TJP1: variants seen among roughly 807,000 people sequenced by gnomAD.
The protein encoded by TJP1 is tight junction protein ZO-1.
TJP1 carries 43 observed loss-of-function variants against 194.2 expected under a neutral mutation model. That is an observed-to-expected ratio of 0.22 (90% CI 0.17 to 0.29). TJP1 has a LOEUF of 0.29. TJP1 is among the 10% of genes least tolerant of loss of function. The pLI is 1.00. For synonymous variants in TJP1, 801 were observed against 779.0 expected (o/e 1.03, Z -0.47); for missense variants, 1,971 against 2,185.7 (o/e 0.90, Z 1.96).
At chr15:29,946,600 G>A (rs907587083) in intron 2 of TJP1, among the ~76,000 whole-genome samples, 10 of 152,208 alleles carry the variant, frequency 6.6e-5, no homozygotes, top group African/African-American at 2.4e-4. Flanking sequence ...GATGGACCCA[G>A]GCTGAAAATT....
rs546293106 is a variant in TJP1 at position 29,966,885 on chromosome 15, T to C, written c.173+1782A>G. On this transcript the variant is annotated intron_variant, in intron 1 of 28. Coordinates refer to the TJP1 transcript ENST00000356107. ...CAATCTGAGAAGCGATCTTCAAATG[T>C]TACCCCTTCTTCCTTCACTGTAGTG... 3.3e-5 allele frequency among the ~76,000 whole-genome samples: 5 copies of C among 152,312 alleles called. No individual in the cohort carries two copies. In the East Asian group the frequency reaches 7.7e-4, roughly 23 times the overall value.
chr15:29,807,458 T>C (rs2049184110), intron 1 of TJP1, among the ~76,000 whole-genome samples: 1 of 152,232 alleles, frequency 6.6e-6, no homozygotes. Context: ...AGGTTGAAGA[T>C]AGATACAAAG....
intron 2 of TJP1, among the ~76,000 whole-genome samples, chr15:29,948,004 C>T (rs970045248): frequency 1.3e-5 from 2 of 152,214 alleles, no homozygotes; most frequent in South Asian, 2.1e-4. Context: ...CGGTGGCTCA[C>T]ACCTGTAATC....
chr15:29,713,628 G>C (rs1241782163), intron 23 of TJP1, among the ~76,000 whole-genome samples: 1 of 152,218 alleles, frequency 6.6e-6, no homozygotes, highest in Admixed American at 6.5e-5. Context: ...ATGCAGGACA[G>C]AATCCTATAT....
Position 29,822,115 on chromosome 15 carries a change from T to A in TJP1, c.-87A>T. 8.2e-7 allele frequency: 1 copy of A among 1,212,902 alleles called. No individual in the cohort carries two copies. The highest frequency in any genetic ancestry group is 1.0e-6 in the Non-Finnish European group (1 of 973,702). 75.1% of individuals were successfully genotyped at this position (1,212,902 alleles called of 1,614,324 possible). The stretch of plus-strand genomic sequence containing the variant: ...CCCGCTCCTCACGCCACAGCCCAAA[T>A]AAACATCTCCCGAGAGCGAGCGGGG... On this transcript the variant is annotated 5_prime_UTR_variant, in exon 1 of 28. Transcript: ENST00000614355.
chr15:29,708,687 AAG>A lies in TJP1; in HGVS notation c.4720_4721del (p.Leu1574CysfsTer11). On this transcript the variant is annotated frameshift_variant, in exon 25 of 28. Coordinates refer to ENST00000614355, the MANE Select transcript of TJP1 (RefSeq NM_001330239.4). LOFTEE classifies it high-confidence loss of function. ...SSKTPTSPKT[L>X]VKSHSLAQPP... ...GCTGTGCCAAACTGTGCGATTTCAC[AAG>A]AGTTTTTGGAGAAGTGGGAGTTTTT... 1 of 1,614,246 alleles carries A rather than the reference AAG, an allele frequency of 6.2e-7. No individual in the cohort carries two copies. The highest frequency in any genetic ancestry group is 8.5e-7 in the Non-Finnish European group (1 of 1,180,048).
chr15:29,929,801 C>T (rs1235986670), intron 2 of TJP1, among the ~76,000 whole-genome samples: 1 of 146,112 alleles, frequency 6.8e-6, no homozygotes, highest in Non-Finnish European at 1.5e-5. Flanking sequence ...AAACTTGAAA[C>T]AAAAAAAAAA....
At position 29,718,974 on chromosome 15, in the gene TJP1, C is replaced by T; in HGVS notation, c.3168G>A (p.Gln1056=). ...VEKQASRDLE[Q]PTYRYESSSY... ...TTGAGGACTCGTATCTGTATGTGGG[C>T]TGCTCGAGGTCTCTGCTGGCTTGTT... The change falls in exon 21 of 28, where the codon CAG becomes CAA. Residue 1056 remains glutamine (Q), a synonymous_variant. Transcript: ENST00000614355. The T allele has an allele frequency of 1.2e-6, 2 of 1,614,156 alleles. No homozygotes were observed. The highest frequency in any genetic ancestry group is 1.7e-6 in the Non-Finnish European group (2 of 1,180,036).
chr15:29,748,555 T>C, intron 8 of TJP1, among the ~76,000 whole-genome samples: 1 of 143,706 alleles, frequency 7.0e-6, no homozygotes, highest in African/African-American at 2.5e-5. Flanking sequence ...TTCCCAAACC[T>C]TCCTAATTCT....
At chr15:29,877,212 AG>A (rs1383332005) in intron 2 of TJP1, among the ~76,000 whole-genome samples, 5 of 152,264 alleles carry the variant, frequency 3.3e-5, no homozygotes, top group Non-Finnish European at 7.3e-5. Flanking sequence ...AGATATAAAT[AG>A]AAGTATTTCT....
chr15:29,778,107 A>C, intron 2 of TJP1, among the ~76,000 whole-genome samples: 1 of 152,196 alleles, frequency 6.6e-6, no homozygotes, highest in Non-Finnish European at 1.5e-5. Context: ...CATTTAAAAA[A>C]ATTACTTGTG....
In TJP1 at chr15:29,761,031, T is replaced by C; in HGVS notation, c.1010+108A>G. 3 of 1,305,464 alleles carry C rather than the reference T, an allele frequency of 2.3e-6. No homozygotes were observed. The South Asian group carries it at 5.2e-5, about 22-fold the overall frequency. 80.9% of individuals were successfully genotyped at this position (1,305,464 alleles called of 1,614,324 possible). ...AAGTTGAGAAAAACAGATCTAATCT[T>C]GAATAATCAAAAGAAATACATCTTT... On this transcript the variant is annotated intron_variant, in intron 8 of 27. Transcript: ENST00000614355.
intron 4 of TJP1, among the ~76,000 whole-genome samples, 181 bp from the exon 5 acceptor site, chr15:29,766,723 T>C (rs771227931): frequency 6.6e-6 from 1 of 152,184 alleles, no homozygotes; most frequent in African/African-American, 2.4e-5. Flanking sequence ...GTGTTTTCTG[T>C]TCTCCTGATA....
At chr15:29,787,896 T>C (rs1339802369) in intron 2 of TJP1, among the ~76,000 whole-genome samples, 1 of 152,200 alleles carries the variant, frequency 6.6e-6, no homozygotes, top group Non-Finnish European at 1.5e-5. Context: ...ATTCTCAAAC[T>C]GTTTTCTACA....
chr15:29,906,468 A>AAATAAAT (rs2053816544), intron 2 of TJP1, among the ~76,000 whole-genome samples: 1 of 138,910 alleles, frequency 7.2e-6, no homozygotes, highest in Non-Finnish European at 1.5e-5. Flanking sequence ...ACTCCGTCTC[A>AAATAAAT]AAATAAATAA....
At chr15:29,869,791 CTTTCTTTTTTTTTT>C (rs1331438574) in intron 2 of TJP1, among the ~76,000 whole-genome samples, 4 of 102,910 alleles carry the variant, frequency 3.9e-5, no homozygotes, top group South Asian at 3.6e-4. Flanking sequence ...TTCTTTCTTT[CTTTCTTTTTTTTTT>C]TTTTTTTTTT....
intron 2 of TJP1, among the ~76,000 whole-genome samples, chr15:29,780,998 T>C (rs967015359): frequency 2.0e-5 from 3 of 151,130 alleles, no homozygotes; most frequent in Admixed American, 2.0e-4. Flanking sequence ...CAAAAAGAGC[T>C]GAACTGAAGG....
intron 3 of TJP1, 106 bp downstream of exon 3, chr15:29,773,127 A>T (rs2046796674): frequency 7.7e-7 from 1 of 1,303,442 alleles, no homozygotes; most frequent in South Asian, 1.7e-5. Flanking sequence ...GCACAGGTGG[A>T]GTGTGAATAT....
intron 2 of TJP1, among the ~76,000 whole-genome samples, chr15:29,786,346 A>G (rs998075170): frequency 2.0e-5 from 3 of 152,118 alleles, no homozygotes; most frequent in Non-Finnish European, 2.9e-5. Flanking sequence ...TTCTCTATAA[A>G]ATTAGCCTCA....
Sources: gnomAD v4.1 joint callset for allele counts (sites outside exome capture counted in the v4.1 genomes callset) on GRCh38, gnomAD v4.1.1 for gene constraint, MANE v1.5 for transcripts, NCBI Gene and HGNC (gene_info 2026-07-23, HGNC 2026-07-21) for gene names.